The following CERS3 variants were observed in gnomAD, a reference collection of about 807,000 sequenced individuals.
CERS3 encodes the protein LAG1 homolog, ceramide synthase 3.
A neutral mutation model predicts 50.3 loss-of-function variants in CERS3; 33 were observed. The ratio of observed to expected loss-of-function variants is 0.66; its 90% CI spans 0.50 to 0.88. The LOEUF is 0.88. CERS3 is among the 40% of genes least tolerant of loss of function. The probability of loss-of-function intolerance (pLI) is 0.00; values close to 1 mark genes in which losing one functional copy is unlikely to be tolerated. For synonymous variants in CERS3, 176 were observed against 155.2 expected (o/e 1.13, Z -0.99); for missense variants, 470 against 460.3 (o/e 1.02, Z -0.19).
intron 1 of CERS3, chr15:100,544,332 G>C (rs1487289893): frequency 8.7e-6 from 1 of 115,068 alleles, no homozygotes; most frequent in Non-Finnish European, 1.8e-5. Flanking sequence ...CCATCTGTGC[G>C]AGCACGGGGA....
chr15:100,524,099 C>T (rs967394683), intron 1 of CERS3, among the ~76,000 whole-genome samples: 1 of 152,002 alleles, frequency 6.6e-6, no homozygotes, highest in East Asian at 1.9e-4. Context: ...CTATTGTTCC[C>T]TAGTTGATTT....
chr15:100,416,349 C>A (rs184019789), intron 11 of CERS3, among the ~76,000 whole-genome samples: 4,263 of 152,092 alleles, frequency 0.028, 87 homozygotes, highest in South Asian at 0.048. Flanking sequence ...ACCATCTGAC[C>A]TTCAACAAAG....
At chr15:100,514,104 A>G (rs1404458367) in intron 2 of CERS3, among the ~76,000 whole-genome samples, 1 of 152,246 alleles carries the variant, frequency 6.6e-6, no homozygotes, top group African/African-American at 2.4e-5. Flanking sequence ...CCCATGGACA[A>G]CTAGCATGAC....
intron 7 of CERS3, among the ~76,000 whole-genome samples, chr15:100,478,032 A>T (rs2035186102): frequency 6.6e-6 from 1 of 152,210 alleles, no homozygotes; most frequent in Non-Finnish European, 1.5e-5. Flanking sequence ...TCATTTAATC[A>T]AAAGCTATGA....
intron 11 of CERS3, among the ~76,000 whole-genome samples, chr15:100,414,294 G>C (rs2031722473): frequency 6.6e-6 from 1 of 152,104 alleles, no homozygotes; most frequent in Non-Finnish European, 1.5e-5. Context: ...ACAAACAAAT[G>C]GAAAAACATT....
At chr15:100,450,058 C>T (rs2034097567) in intron 11 of CERS3, among the ~76,000 whole-genome samples, 1 of 149,956 alleles carries the variant, frequency 6.7e-6, no homozygotes, top group Admixed American at 6.7e-5. Context: ...AAAAAAAGAA[C>T]CAAACAGAAA....
At chr15:100,512,002 G>A (rs111796061) in intron 2 of CERS3, among the ~76,000 whole-genome samples, 7 of 15,464 alleles carry the variant, frequency 4.5e-4, no homozygotes, top group Admixed American at 9.7e-4. Context: ...GAGGAGCATC[G>A]TAAGTCCATT....
intron 11 of CERS3, among the ~76,000 whole-genome samples, chr15:100,441,305 A>G (rs1596665805): frequency 1.4e-5 from 2 of 140,152 alleles, no homozygotes; most frequent in Non-Finnish European, 3.0e-5. Flanking sequence ...TTATTTCTGC[A>G]CCCCGACCTC....
At chr15:100,501,614 T>C (rs576385248) in intron 3 of CERS3, 63 bp downstream of exon 3, 1 of 1,384,558 alleles carries the variant, frequency 7.2e-7, no homozygotes, top group Non-Finnish European at 1.0e-6. Context: ...AGCCTAAGAC[T>C]GTATTATTCT....
intron 11 of CERS3, among the ~76,000 whole-genome samples, chr15:100,417,975 TG>T (rs1446949817): frequency 2.0e-5 from 3 of 151,706 alleles, no homozygotes; most frequent in African/African-American, 7.3e-5. Flanking sequence ...ACCACAAAGA[TG>T]GGGAAAAAAC....
chr15:100,467,329 T>C (rs1426763238), intron 10 of CERS3, among the ~76,000 whole-genome samples: 1 of 152,008 alleles, frequency 6.6e-6, no homozygotes, highest in East Asian at 1.9e-4. Flanking sequence ...TAAATGTTGT[T>C]GTCTTAAGAC....
intron 2 of CERS3, among the ~76,000 whole-genome samples, chr15:100,510,834 T>G (rs1427629505): frequency 6.6e-6 from 1 of 152,246 alleles, no homozygotes; most frequent in East Asian, 1.9e-4. Context: ...AGAAATGAAT[T>G]TCTATCTTAG....
At chr15:100,441,843 C>T (rs535059003) in intron 11 of CERS3, among the ~76,000 whole-genome samples, 71 of 151,920 alleles carry the variant, frequency 4.7e-4, no homozygotes, top group Non-Finnish European at 7.7e-4. Context: ...CCCAAATCTT[C>T]CTTCTTTCCC....
intron 7 of CERS3, among the ~76,000 whole-genome samples, chr15:100,479,126 C>T (rs1011900343): frequency 6.6e-6 from 1 of 151,834 alleles, no homozygotes; most frequent in Non-Finnish European, 1.5e-5. Flanking sequence ...TTTTTAATTA[C>T]TTGACTGTCC....
chr15:100,508,441 C>G (rs1176908853), intron 2 of CERS3, among the ~76,000 whole-genome samples: 2 of 152,274 alleles, frequency 1.3e-5, no homozygotes, highest in East Asian at 3.9e-4. Context: ...GCTGGGTTAA[C>G]TGTGTAAGCA....
intron 11 of CERS3, among the ~76,000 whole-genome samples, chr15:100,446,165 A>G (rs2033930288): frequency 6.6e-6 from 1 of 152,234 alleles, no homozygotes; most frequent in Non-Finnish European, 1.5e-5. Flanking sequence ...GCTCACACAA[A>G]GCCTGTTTGG....
intron 10 of CERS3, among the ~76,000 whole-genome samples, chr15:100,467,406 G>A (rs1391754780): frequency 6.6e-6 from 1 of 152,098 alleles, no homozygotes; most frequent in Non-Finnish European, 1.5e-5. Flanking sequence ...TTTTCGTACA[G>A]CCCATGAGCT....
chr15:100,497,882 CACACACACACACA>C (rs1326118250), intron 3 of CERS3, among the ~76,000 whole-genome samples: 99 of 83,548 alleles, frequency 1.2e-3, no homozygotes, highest in African/African-American at 4.0e-3. Context: ...CACACACACA[CACACACACACACA>C]CTTTTTTTTT....
At chr15:100,497,306 A>ATATG (rs1555531981) in intron 3 of CERS3, among the ~76,000 whole-genome samples, 3 of 145,864 alleles carry the variant, frequency 2.1e-5, no homozygotes, top group Non-Finnish European at 4.5e-5. Context: ...GCATATATGT[A>ATATG]TGTGTGTGTG....
Sources: gnomAD v4.1 joint callset for allele counts (sites outside exome capture counted in the v4.1 genomes callset) on GRCh38, gnomAD v4.1.1 for gene constraint, MANE v1.5 for transcripts, NCBI Gene and HGNC (gene_info 2026-07-23, HGNC 2026-07-21) for gene names.